Variants in ANO4 observed in about 807,000 individuals in gnomAD.
ANO4 encodes anoctamin-4.
ANO4 carries 69 observed loss-of-function variants against 141.9 expected under a neutral mutation model. That is an observed-to-expected ratio of 0.49 (90% CI 0.40 to 0.59). ANO4 has a LOEUF of 0.59. ANO4 is among the 20% of genes least tolerant of loss of function. The pLI, the probability that ANO4 is intolerant of heterozygous loss-of-function variation, is 0.00. For synonymous variants in ANO4, 350 were observed against 394.3 expected (o/e 0.89, Z 1.33); for missense variants, 894 against 1,162.2 (o/e 0.77, Z 3.36).
At position 101,037,109 on chromosome 12, in the gene ANO4, C is replaced by T; in HGVS notation, c.856C>T (p.Leu286Phe). Residue 286 changes from leucine to phenylalanine, a missense_variant, in exon 10 of 28, where the codon CTT becomes TTT. Physicochemically the swap from Leu to Phe is conservative, Grantham distance 22. This residue lies in a region of ANO4 where 637 missense variants were observed against 909.2 expected (regional missense o/e 0.70). Coordinates refer to ENST00000392977, the MANE Select transcript of ANO4 (RefSeq NM_001286615.2). Reference protein sequence around the residue: ...GKNKIGLNRLLTNGSYEAAFP... With the variant: ...GKNKIGLNRLFTNGSYEAAFP... The stretch of plus-strand genomic sequence containing the variant: ...TGCTGTTTTAGGTCTGAATCGTTTG[C>T]TTACCAATGGCTCCTATGAAGCTGC... The T allele has an allele frequency of 6.2e-7, 1 of 1,614,020 alleles. No homozygotes were observed. The highest frequency in any genetic ancestry group is 1.1e-5 in the South Asian group (1 of 91,066).
At chr12:100,744,458 C>T (rs150704833) in intron 3 of ANO4, among the ~76,000 whole-genome samples, 10 of 152,236 alleles carry the variant, frequency 6.6e-5, no homozygotes, top group African/African-American at 9.6e-5. Flanking sequence ...AGAATGAGAG[C>T]GAGCTGGCCC....
At chr12:100,886,443 C>A (rs2039834398) in intron 1 of ANO4, among the ~76,000 whole-genome samples, 1 of 152,180 alleles carries the variant, frequency 6.6e-6, no homozygotes, top group Non-Finnish European at 1.5e-5. Flanking sequence ...AACAGGACAT[C>A]TTTTCCTTTC....
chr12:100,947,258 G>T (rs1302404833), intron 5 of ANO4, among the ~76,000 whole-genome samples: 1 of 152,100 alleles, frequency 6.6e-6, no homozygotes, highest in Non-Finnish European at 1.5e-5. Context: ...AATTGATGTT[G>T]GGAAAGAGTG....
intron 3 of ANO4, among the ~76,000 whole-genome samples, chr12:100,938,328 G>A (rs1212086261): frequency 6.6e-6 from 1 of 152,158 alleles, no homozygotes; most frequent in African/African-American, 2.4e-5. Context: ...ATTCACCAAG[G>A]TGCAATCATC....
At chr12:101,015,965 G>C (rs767332056) in intron 8 of ANO4, among the ~76,000 whole-genome samples, 24 of 152,142 alleles carry the variant, frequency 1.6e-4, no homozygotes, top group Non-Finnish European at 3.2e-4. Flanking sequence ...TAATCCTCCA[G>C]TTTGAAAGAA....
chr12:100,814,244 C>T (rs1565899078), intron 1 of ANO4, among the ~76,000 whole-genome samples: 1 of 152,130 alleles, frequency 6.6e-6, no homozygotes, highest in Non-Finnish European at 1.5e-5. Context: ...ATTTACATAT[C>T]ATATAATTCA....
At chr12:101,122,581 C>T (rs1159822301) in intron 26 of ANO4, among the ~76,000 whole-genome samples, 1 of 152,080 alleles carries the variant, frequency 6.6e-6, no homozygotes, top group Non-Finnish European at 1.5e-5. Flanking sequence ...GGTAGAAGTC[C>T]AGTTTCATTC....
intron 14 of ANO4, among the ~76,000 whole-genome samples, chr12:101,054,997 C>T (rs1313343771): frequency 6.6e-6 from 1 of 152,198 alleles, no homozygotes; most frequent in Non-Finnish European, 1.5e-5. Context: ...GTGTCAGTAG[C>T]TGGTTTCTTT....
At chr12:100,932,097 C>G (rs2042105708) in intron 3 of ANO4, among the ~76,000 whole-genome samples, 1 of 151,240 alleles carries the variant, frequency 6.6e-6, no homozygotes, top group South Asian at 2.1e-4. Context: ...GTATAATGAA[C>G]TGGCGCTCTA....
At chr12:100,852,872 G>A (rs566006842) in intron 1 of ANO4, among the ~76,000 whole-genome samples, 96 of 152,272 alleles carry the variant, frequency 6.3e-4, no homozygotes, top group Admixed American at 9.8e-4. Context: ...CACTTTGTCC[G>A]TCATGTTGGC....
chr12:100,767,240 T>G (rs1304607159), intron 3 of ANO4, among the ~76,000 whole-genome samples: 2 of 152,218 alleles, frequency 1.3e-5, no homozygotes, highest in Non-Finnish European at 2.9e-5. Context: ...ACTGCCATTT[T>G]GTAATTGTTT....
intron 1 of ANO4, among the ~76,000 whole-genome samples, chr12:100,850,319 C>T (rs2037799215): frequency 6.6e-6 from 1 of 152,102 alleles, no homozygotes; most frequent in Non-Finnish European, 1.5e-5. Flanking sequence ...CATGGTTCTT[C>T]CTTGTACACC....
At chr12:101,086,538 C>T in intron 16 of ANO4, 122 bp from the exon 17 acceptor site, 1 of 1,014,584 alleles carries the variant, frequency 9.9e-7, no homozygotes, top group African/African-American at 1.6e-5. Context: ...TGATTGTGAT[C>T]TCTTGAGCAG....
intron 2 of ANO4, among the ~76,000 whole-genome samples, chr12:100,919,455 C>T (rs2041504303): frequency 6.6e-6 from 1 of 152,096 alleles, no homozygotes; most frequent in Non-Finnish European, 1.5e-5. Context: ...CATTGTATTA[C>T]AGTTACTACA....
At chr12:101,125,612 C>T (rs2051279730) in intron 26 of ANO4, among the ~76,000 whole-genome samples, 1 of 152,064 alleles carries the variant, frequency 6.6e-6, no homozygotes, top group Admixed American at 6.6e-5. Flanking sequence ...TATCAAAGAC[C>T]TTTTCTGCAG....
intron 1 of ANO4, among the ~76,000 whole-genome samples, chr12:100,846,900 C>A (rs1412015497): frequency 6.6e-6 from 1 of 151,878 alleles, no homozygotes; most frequent in Non-Finnish European, 1.5e-5. Context: ...CCCTGCCTCC[C>A]AATCTATACA....
In ANO4 at chr12:101,019,348, A is replaced by G. The variant is rs563651775; in HGVS notation, c.735-686A>G. On this transcript the variant is annotated intron_variant, in intron 8 of 27. Transcript: ENST00000392977. ...CTAGAAAACCTCTTAGTAGGGTACAAGCACCTACTGGAAAGCCGTGTGTGT... is the reference window on the plus strand; with the variant it reads ...CTAGAAAACCTCTTAGTAGGGTACAGGCACCTACTGGAAAGCCGTGTGTGT... Among the ~76,000 whole-genome samples the G allele has an allele frequency of 9.5e-4, 145 of 152,280 alleles. 4 individuals are homozygous for G. In the South Asian group the frequency reaches 0.029, roughly 30 times the overall value.
chr12:100,832,869 T>C (rs1296630365), intron 1 of ANO4, among the ~76,000 whole-genome samples: 2 of 152,118 alleles, frequency 1.3e-5, no homozygotes, highest in African/African-American at 4.8e-5. Context: ...TTAGTTTCTT[T>C]CCCAGAGCCA....
chr12:101,044,979 C>G (rs1408935091), intron 13 of ANO4, among the ~76,000 whole-genome samples: 1 of 145,650 alleles, frequency 6.9e-6, no homozygotes, highest in Non-Finnish European at 1.5e-5. Context: ...TCTGGGGAAA[C>G]CCCAAAATCA....
Sources: gnomAD v4.1 joint callset for allele counts (sites outside exome capture counted in the v4.1 genomes callset) on GRCh38, gnomAD v4.1.1 for gene constraint, gnomAD v4.1.1 regional missense constraint, MANE v1.5 for transcripts, NCBI Gene and HGNC (gene_info 2026-07-23, HGNC 2026-07-21) for gene names.